Variants in ZCCHC7 observed in about 807,000 individuals in gnomAD.
The protein encoded by ZCCHC7 is zinc finger CCHC-type containing 7.
Under a neutral mutation model 52.0 loss-of-function variants are expected in ZCCHC7, and 35 were observed. The observed-to-expected ratio is 0.67, with a 90% CI of 0.51 to 0.89. The LOEUF (loss-of-function observed/expected upper bound fraction) is 0.89. ZCCHC7 is among the 40% of genes least tolerant of loss of function. The pLI is 0.00. For missense variants in ZCCHC7, 574 were observed against 649.1 expected (o/e 0.88, Z 1.26); for synonymous variants, 217 against 221.5 (o/e 0.98, Z 0.18).
Position 37,193,762 on chromosome 9 carries a change from C to A in ZCCHC7, c.610+66820C>A, listed in dbSNP as rs148473230. Reference sequence around the variant, plus strand: ...GCAAGGAATGAGGTGGTAATCCTGCCCTGCTCTTACTACAAAAGCTGGGCA... The same window carrying A: ...GCAAGGAATGAGGTGGTAATCCTGCACTGCTCTTACTACAAAAGCTGGGCA... On this transcript the variant is annotated intron_variant, in intron 2 of 8. Coordinates refer to ENST00000336755, the MANE Select transcript of ZCCHC7 (RefSeq NM_032226.3). Among the ~76,000 whole-genome samples, 3 of 152,178 alleles carry A rather than the reference C, an allele frequency of 2.0e-5. No homozygotes were observed. The East Asian group carries it at 5.8e-4, about 29-fold the overall frequency.
intron 6 of ZCCHC7, among the ~76,000 whole-genome samples, chr9:37,342,976 T>C (rs1350593120): frequency 6.6e-6 from 1 of 152,262 alleles, no homozygotes; most frequent in African/African-American, 2.4e-5. Context: ...AAAATACTTT[T>C]CTTCCATGCT....
intron 2 of ZCCHC7, among the ~76,000 whole-genome samples, chr9:37,210,660 A>G (rs1164467338): frequency 6.6e-6 from 1 of 152,182 alleles, no homozygotes; most frequent in African/African-American, 2.4e-5. Context: ...ATATGCCCCA[A>G]CCTACTTTTT....
At chr9:37,193,178 A>G (rs1426106428) in intron 2 of ZCCHC7, among the ~76,000 whole-genome samples, 1 of 152,206 alleles carries the variant, frequency 6.6e-6, no homozygotes, top group Non-Finnish European at 1.5e-5. Context: ...ATGTTTGAAC[A>G]TGAATTGAAA....
chr9:37,212,774 C>A (rs904770306), intron 2 of ZCCHC7, among the ~76,000 whole-genome samples: 2 of 152,214 alleles, frequency 1.3e-5, no homozygotes, highest in African/African-American at 2.4e-5. Context: ...GTGTTAACAG[C>A]TTCTCTACCT....
At chr9:37,329,760 A>G (rs1830383050) in intron 6 of ZCCHC7, among the ~76,000 whole-genome samples, 1 of 151,878 alleles carries the variant, frequency 6.6e-6, no homozygotes, top group Non-Finnish European at 1.5e-5. Flanking sequence ...CAGCTCTTTT[A>G]CTAGGCGATG....
chr9:37,260,037 T>A (rs773673916), intron 2 of ZCCHC7, among the ~76,000 whole-genome samples: 1 of 152,256 alleles, frequency 6.6e-6, no homozygotes, highest in Non-Finnish European at 1.5e-5. Flanking sequence ...CTGGAGATTA[T>A]AAATGCCTTG....
rs1247381058 is a variant in ZCCHC7, at chr9:37,143,417, G to GT, written c.610+16479dup. 6.0e-5 allele frequency among the ~76,000 whole-genome samples: 9 copies of GT among 151,236 alleles called. 1 individual carries two copies. Among genetic ancestry groups the GT allele is most frequent in the African/African-American group, 1.9e-4 (8 of 41,292 alleles). The stretch of plus-strand genomic sequence containing the variant: ...TCAGAAAAGTAGGCTCTGCATTAGA[G>GT]TTTTAAATTGGGATTTGTTTGTGAA... On this transcript the variant is annotated intron_variant, in intron 2 of 8. Coordinates refer to ENST00000336755, the MANE Select transcript of ZCCHC7 (RefSeq NM_032226.3).
At chr9:37,137,698 A>G (rs1400938817) in intron 2 of ZCCHC7, among the ~76,000 whole-genome samples, 1 of 152,184 alleles carries the variant, frequency 6.6e-6, no homozygotes, top group Non-Finnish European at 1.5e-5. Flanking sequence ...TTCAAAGTAG[A>G]GCAGGTCTTA....
chr9:37,353,900 A>G (rs1161815368), intron 7 of ZCCHC7, among the ~76,000 whole-genome samples: 2 of 152,218 alleles, frequency 1.3e-5, no homozygotes, highest in Admixed American at 6.5e-5. Flanking sequence ...GAAAGTTCCA[A>G]AAGAAAAGAT....
At chr9:37,304,414 G>A in intron 4 of ZCCHC7, 101 bp downstream of exon 4, 1 of 1,406,724 alleles carries the variant, frequency 7.1e-7, no homozygotes, top group Admixed American at 2.1e-5. Context: ...AGCACTTTGG[G>A]AAGCCGAGGC....
At chr9:37,145,742 T>C (rs1192874886) in intron 2 of ZCCHC7, among the ~76,000 whole-genome samples, 1 of 151,976 alleles carries the variant, frequency 6.6e-6, no homozygotes, top group Non-Finnish European at 1.5e-5. Context: ...AAAAAAATTC[T>C]TATTAAAATC....
chr9:37,320,852 A>G (rs17409989), intron 5 of ZCCHC7, among the ~76,000 whole-genome samples: 7,252 of 152,268 alleles, frequency 0.048, 264 homozygotes, highest in Non-Finnish European at 0.071. Context: ...ATGACAGGGC[A>G]TGATTGTACA....
intron 2 of ZCCHC7, among the ~76,000 whole-genome samples, chr9:37,186,167 GT>G (rs1312029649): frequency 1.3e-5 from 2 of 152,038 alleles, no homozygotes; most frequent in Non-Finnish European, 2.9e-5. Context: ...TTAAAAACAT[GT>G]TCTAAACATG....
At chr9:37,256,725 G>A (rs749256967) in intron 2 of ZCCHC7, among the ~76,000 whole-genome samples, 19 of 151,574 alleles carry the variant, frequency 1.3e-4, no homozygotes. Context: ...AATTATGCAT[G>A]AGTGAAAATT....
chr9:37,268,156 A>G (rs1266324156), intron 2 of ZCCHC7, among the ~76,000 whole-genome samples: 1 of 152,142 alleles, frequency 6.6e-6, no homozygotes, highest in Non-Finnish European at 1.5e-5. Context: ...TTTGTTCCCC[A>G]CAGTGCTTAA....
At chr9:37,247,792 T>C (rs1483737425) in intron 2 of ZCCHC7, among the ~76,000 whole-genome samples, 1 of 152,068 alleles carries the variant, frequency 6.6e-6, no homozygotes, top group Non-Finnish European at 1.5e-5. Flanking sequence ...GGCATGTGCC[T>C]ATAGTCCCAA....
chr9:37,347,321 A>C (rs539098431), intron 6 of ZCCHC7, among the ~76,000 whole-genome samples: 42 of 152,272 alleles, frequency 2.8e-4, no homozygotes, highest in African/African-American at 9.4e-4. Context: ...CTGCCGCTTC[A>C]TGCTTCTCAA....
At chr9:37,231,007 C>T (rs894061578) in intron 2 of ZCCHC7, among the ~76,000 whole-genome samples, 3 of 152,206 alleles carry the variant, frequency 2.0e-5, no homozygotes, top group East Asian at 3.9e-4. Context: ...TGATCTCTCT[C>T]GGCTCACTGC....
chr9:37,287,279 C>T (rs538723094), intron 2 of ZCCHC7, among the ~76,000 whole-genome samples: 2 of 151,554 alleles, frequency 1.3e-5, no homozygotes, highest in East Asian at 3.9e-4. Context: ...AGGTGTCATA[C>T]ATTAAAATCA....
Sources: allele counts gnomAD v4.1 joint callset (sites outside exome capture counted in the v4.1 genomes callset), GRCh38; gene constraint gnomAD v4.1.1; transcripts MANE v1.5; gene names NCBI Gene and HGNC (gene_info 2026-07-23, HGNC 2026-07-21).